The following CACNB4 variants were observed in gnomAD, a reference collection of about 807,000 sequenced individuals.
The protein encoded by CACNB4 is voltage-dependent L-type calcium channel subunit beta-4.
In CACNB4, 32 loss-of-function variants were observed where a neutral mutation model predicts 71.2. That is an observed-to-expected ratio of 0.45 (90% CI 0.34 to 0.60). The LOEUF (loss-of-function observed/expected upper bound fraction) is 0.60. CACNB4 is among the 20% of genes least tolerant of loss of function. The pLI, the probability that CACNB4 is intolerant of heterozygous loss-of-function variation, is 0.01. For synonymous variants in CACNB4, 231 were observed against 236.9 expected (o/e 0.97, Z 0.23); for missense variants, 464 against 647.9 (o/e 0.72, Z 3.08).
At chr2:152,007,581 T>C (rs1338887442) in intron 2 of CACNB4, among the ~76,000 whole-genome samples, 1 of 152,228 alleles carries the variant, frequency 6.6e-6, no homozygotes, top group Non-Finnish European at 1.5e-5. Context: ...TAGTATTCTG[T>C]TGTATGTGTA....
intron 2 of CACNB4, among the ~76,000 whole-genome samples, chr2:151,951,629 T>A (rs1179330037): frequency 6.6e-6 from 1 of 152,076 alleles, no homozygotes; most frequent in Non-Finnish European, 1.5e-5. Context: ...AAAGCTTAGC[T>A]CCCACTGCAG....
At chr2:151,888,473 G>A (rs2099849925) in intron 2 of CACNB4, among the ~76,000 whole-genome samples, 1 of 152,186 alleles carries the variant, frequency 6.6e-6, no homozygotes, top group Non-Finnish European at 1.5e-5. Flanking sequence ...GGCTGAGGTG[G>A]GAGGATTGCT....
chr2:152,004,532 TACAC>T (rs5835400), intron 2 of CACNB4, among the ~76,000 whole-genome samples: 82,298 of 149,202 alleles, frequency 0.55, 25,804 homozygotes, highest in Non-Finnish European at 0.73. Context: ...TTTACATACA[TACAC>T]ACACACACAC....
chr2:151,907,721 T>C (rs1519705), intron 2 of CACNB4, among the ~76,000 whole-genome samples: 145,322 of 152,284 alleles, frequency 0.95, 69,710 homozygotes, highest in East Asian at 1. Flanking sequence ...TTAAACATCT[T>C]GGCCATTCTT....
At chr2:151,869,581 G>A (rs2099844077) in intron 8 of CACNB4, 1 of 196,710 alleles carries the variant, frequency 5.1e-6, no homozygotes, top group Non-Finnish European at 1.0e-5. Context: ...GCACGCCTGA[G>A]TTGTGCCTGC....
At position 152,088,168 on chromosome 2, in the gene CACNB4, CAT is replaced by C. The variant is rs57517498; in HGVS notation, c.147+10160_147+10161del. Reference sequence around the variant, plus strand: ...ACACACACACACACACACACACACACATACACACACACACACGGCAAATTAAA... The same window carrying C: ...ACACACACACACACACACACACACACACACACACACACACGGCAAATTAAA... On this transcript the variant is annotated intron_variant, in intron 2 of 13. Transcript: ENST00000539935. 6.9e-3 allele frequency among the ~76,000 whole-genome samples: 1,005 copies of C among 145,566 alleles called. 20 individuals are homozygous for C. The highest frequency in any genetic ancestry group is 0.043 in the South Asian group (179 of 4,188).
intron 2 of CACNB4, among the ~76,000 whole-genome samples, chr2:151,993,255 A>G (rs78690714): frequency 0.021 from 3,116 of 151,564 alleles, 99 homozygotes; most frequent in African/African-American, 0.071. Flanking sequence ...ATCTAGAAAC[A>G]CTCCTTGAGA....
At chr2:151,844,994 C>T (rs145786739) in intron 12 of CACNB4, among the ~76,000 whole-genome samples, 2 of 152,124 alleles carry the variant, frequency 1.3e-5, no homozygotes, top group Non-Finnish European at 2.9e-5. Context: ...ATACCTAGGC[C>T]GGATGGGTCC....
chr2:152,016,519 C>T (rs535125105), intron 2 of CACNB4, among the ~76,000 whole-genome samples: 25 of 152,268 alleles, frequency 1.6e-4, no homozygotes, highest in African/African-American at 5.5e-4. Flanking sequence ...TGAGTCTCAT[C>T]GTTTGAGGCT....
At chr2:151,921,013 C>T (rs1487051610) in intron 2 of CACNB4, among the ~76,000 whole-genome samples, 1 of 151,934 alleles carries the variant, frequency 6.6e-6, no homozygotes. Context: ...TGGTGGTGGG[C>T]ACCTGTAGTC....
intron 2 of CACNB4, among the ~76,000 whole-genome samples, chr2:151,899,186 A>G (rs542988850): frequency 6.6e-6 from 1 of 152,338 alleles, no homozygotes; most frequent in South Asian, 2.1e-4. Context: ...TAGTGGGAAC[A>G]AGAGAGACGA....
chr2:151,900,064 T>C (rs1358071914), intron 2 of CACNB4, among the ~76,000 whole-genome samples: 2 of 152,138 alleles, frequency 1.3e-5, no homozygotes, highest in African/African-American at 2.4e-5. Flanking sequence ...TAAGCAGAAT[T>C]ATCAGGAATG....
At chr2:152,038,257 G>C (rs1245958178) in intron 2 of CACNB4, among the ~76,000 whole-genome samples, 2 of 152,190 alleles carry the variant, frequency 1.3e-5, no homozygotes, top group Non-Finnish European at 1.5e-5. Flanking sequence ...GTAATTCTGG[G>C]GTTTGGTAAC....
chr2:152,053,992 G>C (rs1175179774), intron 2 of CACNB4, among the ~76,000 whole-genome samples: 2 of 152,162 alleles, frequency 1.3e-5, no homozygotes, highest in Non-Finnish European at 2.9e-5. Context: ...GCTAGTGTCA[G>C]AATTGAGTAA....
chr2:152,009,268 G>A (rs1008018749), intron 2 of CACNB4, among the ~76,000 whole-genome samples: 1 of 152,030 alleles, frequency 6.6e-6, no homozygotes, highest in African/African-American at 2.4e-5. Context: ...TGAAAAATAG[G>A]GCACAGAAAA....
chr2:151,980,434 C>T (rs1452841679), intron 2 of CACNB4, among the ~76,000 whole-genome samples: 1 of 152,196 alleles, frequency 6.6e-6, no homozygotes, highest in Non-Finnish European at 1.5e-5. Flanking sequence ...TAGAGCCCCA[C>T]ACCTCCTCTC....
Position 151,953,191 on chromosome 2 carries a change from G to A in CACNB4, c.148-69821C>T, listed in dbSNP as rs531196536. 2.0e-5 allele frequency among the ~76,000 whole-genome samples: 3 copies of A among 152,342 alleles called. No homozygotes were observed. In the East Asian group the frequency reaches 5.8e-4, roughly 29 times the overall value. Reference sequence around the variant, plus strand: ...AAAAAGGAAATGGAGGCAGTAATGTGAGACCAACATGTTCTCAGGATTCTG... The same window carrying A: ...AAAAAGGAAATGGAGGCAGTAATGTAAGACCAACATGTTCTCAGGATTCTG... On this transcript the variant is annotated intron_variant, in intron 2 of 13. Transcript: ENST00000539935.
intron 2 of CACNB4, among the ~76,000 whole-genome samples, chr2:151,999,218 C>T (rs567798445): frequency 4.6e-5 from 7 of 152,248 alleles, no homozygotes; most frequent in East Asian, 3.9e-4. Flanking sequence ...CAGCCCAGAA[C>T]GGTGCTCCCC....
intron 2 of CACNB4, among the ~76,000 whole-genome samples, chr2:151,999,319 T>A (rs1682261954): frequency 6.6e-6 from 1 of 151,104 alleles, no homozygotes; most frequent in African/African-American, 2.4e-5. Flanking sequence ...TTCGGGACAA[T>A]CCTCAGAATT....
Sources: allele counts gnomAD v4.1 joint callset (sites outside exome capture counted in the v4.1 genomes callset), GRCh38; gene constraint gnomAD v4.1.1; transcripts MANE v1.5; gene names NCBI Gene and HGNC (gene_info 2026-07-23, HGNC 2026-07-21).